Variants in ANK3 observed in about 807,000 individuals in gnomAD.
ANK3 encodes ankyrin 3, also known as ankyrin-3.
A neutral mutation model predicts 370.9 loss-of-function variants in ANK3; 57 were observed. The observed-to-expected ratio is 0.15, with a 90% confidence interval of 0.12 to 0.19. The LOEUF (loss-of-function observed/expected upper bound fraction) is 0.19, where lower values mean the gene tolerates loss of function less well. Ranked by LOEUF, ANK3 falls within the 10% of genes least tolerant of loss-of-function variation. The pLI, the probability that ANK3 is intolerant of heterozygous loss-of-function variation, is 1.00. For missense variants in ANK3, 4,439 were observed against 5,302.1 expected, an observed-to-expected ratio of 0.84 and a Z score of 5.06; for synonymous variants, 1,929 against 1,946.3, an observed-to-expected ratio of 0.99 and a Z score of 0.23.
intron 2 of ANK3, among the ~76,000 whole-genome samples, chr10:60,451,569 A>G (rs1157688590): frequency 6.6e-6 from 1 of 152,204 alleles, no homozygotes; most frequent in African/African-American, 2.4e-5. Flanking sequence ...AGCAAAATGT[A>G]AGCTTCACTT....
chr10:60,411,229 T>A (rs2063554015), intron 2 of ANK3, among the ~76,000 whole-genome samples: 1 of 152,178 alleles, frequency 6.6e-6, no homozygotes. Context: ...ACTCACAGAA[T>A]TAGGAAGAGG....
intron 23 of ANK3, among the ~76,000 whole-genome samples, chr10:60,144,753 C>A (rs2094729253): frequency 6.6e-6 from 1 of 152,142 alleles, no homozygotes; most frequent in African/African-American, 2.4e-5. Flanking sequence ...ATTATCAGGA[C>A]TGTGGTGGGC....
intron 1 of ANK3, among the ~76,000 whole-genome samples, chr10:60,360,823 A>G (rs2058489951): frequency 6.6e-6 from 1 of 152,200 alleles, no homozygotes; most frequent in African/African-American, 2.4e-5. Context: ...TTAACCTTTA[A>G]ATCTAATCGT....
In ANK3 at chr10:60,082,176, C is replaced by T. The variant is rs751571796; in HGVS notation, c.4324G>A (p.Glu1442Lys). The T allele has an allele frequency of 6.2e-7, 1 of 1,609,684 alleles. No individual in the cohort carries two copies. Among genetic ancestry groups the T allele is most frequent in the Non-Finnish European group, 8.5e-7 (1 of 1,177,520 alleles). The part of the protein sequence containing the change: ...LNITLPAHKK[E>K]TESDQDDEIE... ...TCATCATCTTGATCTGACTCTGTCTCCTTTTGGTTCCAAGATGCATTGCAG... is the reference window on the plus strand; with the variant it reads ...TCATCATCTTGATCTGACTCTGTCTTCTTTTGGTTCCAAGATGCATTGCAG... The change falls in exon 35 of 44, where the codon GAG becomes AAG. Residue 1442 changes from glutamate (E) to lysine (K), a missense_variant and splice_region_variant. By Grantham distance (56) the Glu-to-Lys change is moderately conservative (BLOSUM62 1). This residue lies in a region of ANK3 where 702 missense variants were observed against 941.5 expected (regional missense o/e 0.75). Coordinates refer to ENST00000280772, the MANE Select transcript of ANK3 (RefSeq NM_020987.5).
intron 1 of ANK3, among the ~76,000 whole-genome samples, chr10:60,706,124 C>T (rs1005946505): frequency 1.3e-5 from 2 of 152,182 alleles, no homozygotes; most frequent in African/African-American, 4.8e-5. Context: ...TGCACCACTG[C>T]ACCCAGGCTA....
intron 1 of ANK3, among the ~76,000 whole-genome samples, chr10:60,728,156 T>A (rs560014030): frequency 6.6e-6 from 1 of 152,238 alleles, no homozygotes; most frequent in East Asian, 1.9e-4. Context: ...ACTGATAATA[T>A]CTCAACTTTT....
intron 1 of ANK3, among the ~76,000 whole-genome samples, chr10:60,680,691 C>T (rs907546987): frequency 2.0e-5 from 3 of 152,110 alleles, no homozygotes; most frequent in African/African-American, 4.8e-5. Context: ...GTCTTGATGG[C>T]GCCTCAAACT....
chr10:60,069,942 C>G lies in ANK3; in HGVS notation c.10939G>C (p.Gly3647Arg), dbSNP rs1412041936. Residue 3647 changes from glycine (G) to arginine (R), a missense_variant, in exon 37 of 44, where the codon GGG (glycine) becomes CGG (arginine). Physicochemically the swap from Gly to Arg is moderately radical, Grantham distance 125 (BLOSUM62 -2). Coordinates refer to ENST00000280772, the MANE Select transcript of ANK3 (RefSeq NM_020987.5). Reference sequence around the variant, plus strand: ...GTGACCATACTTTTATCCCCTTCCCCCTGGTCCCCTGACTTCCCTTCAGAA... The same window carrying G: ...GTGACCATACTTTTATCCCCTTCCCGCTGGTCCCCTGACTTCCCTTCAGAA... ...HTSEGKSGDQ[G>R]EGDKSMVTAT... The G allele has an allele frequency of 1.2e-6, 2 of 1,613,990 alleles. No individual in the cohort carries two copies. Among genetic ancestry groups the G allele is most frequent in the African/African-American group, 2.7e-5 (2 of 74,928 alleles).
chr10:60,083,357 G>C (rs1023678033), intron 33 of ANK3, 135 bp downstream of exon 33: 12 of 923,462 alleles, frequency 1.3e-5, no homozygotes, highest in Non-Finnish European at 1.9e-5. Flanking sequence ...GGTAGAACCA[G>C]AACAAAATCT....
intron 1 of ANK3, among the ~76,000 whole-genome samples, chr10:60,617,754 C>T (rs1032646199): frequency 9.2e-5 from 14 of 152,270 alleles, no homozygotes; most frequent in African/African-American, 3.1e-4. Context: ...ATGTTCTTGG[C>T]TATTTCTACC....
intron 23 of ANK3, among the ~76,000 whole-genome samples, chr10:60,160,963 C>T (rs2095483844): frequency 6.6e-6 from 1 of 152,162 alleles, no homozygotes; most frequent in Non-Finnish European, 1.5e-5. Context: ...GAAAGCCTTT[C>T]CTCTAAGATC....
At chr10:60,154,036 G>A (rs971329490) in intron 23 of ANK3, among the ~76,000 whole-genome samples, 4 of 152,148 alleles carry the variant, frequency 2.6e-5, no homozygotes, top group Admixed American at 2.0e-4. Context: ...ATAAAACAGA[G>A]AATAAGATTT....
intron 42 of ANK3, chr10:60,043,986 T>A: frequency 1.0e-6 from 1 of 985,846 alleles, no homozygotes; most frequent in Non-Finnish European, 1.2e-6. Flanking sequence ...GCTGCCACAC[T>A]GCAGATGCCA....
intron 1 of ANK3, among the ~76,000 whole-genome samples, chr10:60,679,608 T>C (rs2079168301): frequency 6.6e-6 from 1 of 152,128 alleles, no homozygotes; most frequent in Non-Finnish European, 1.5e-5. Flanking sequence ...ACTGCACATG[T>C]GCCCCTCTCA....
intron 1 of ANK3, among the ~76,000 whole-genome samples, chr10:60,632,916 A>C (rs34168977): frequency 0.68 from 102,984 of 151,054 alleles, 35,164 homozygotes; most frequent in South Asian, 0.83. Context: ...AAAAAAAACC[A>C]TACTTATTCT....
intron 2 of ANK3, among the ~76,000 whole-genome samples, chr10:60,530,143 A>G (rs1389557306): frequency 6.6e-6 from 1 of 152,184 alleles, no homozygotes; most frequent in East Asian, 1.9e-4. Flanking sequence ...GTGCCCAGGC[A>G]GTGGTTTCTG....
chr10:60,047,171 G>A (rs2077111569), intron 42 of ANK3, among the ~76,000 whole-genome samples: 1 of 151,990 alleles, frequency 6.6e-6, no homozygotes, highest in Admixed American at 6.6e-5. Context: ...TTGTCCCCGT[G>A]GTCTTGTTGA....
At chr10:60,061,147 G>T (rs2080370245) in intron 40 of ANK3, among the ~76,000 whole-genome samples, 1 of 152,170 alleles carries the variant, frequency 6.6e-6, no homozygotes, top group Non-Finnish European at 1.5e-5. Flanking sequence ...AGCTGCTGTT[G>T]TAAACTCAAA....
chr10:60,166,895 G>T lies in ANK3; in HGVS notation c.2480C>A (p.Thr827Asn), dbSNP rs138631688. 4.7e-5 allele frequency: 76 copies of T among 1,613,600 alleles called. No homozygotes were observed. The African/African-American group carries it at 9.2e-4, about 20-fold the overall frequency. Residue 827 changes from threonine (T) to asparagine (N), a missense_variant and splice_region_variant, in exon 22 of 44, where the codon ACT (threonine) becomes AAT (asparagine). This residue lies in a region of ANK3 where 702 missense variants were observed against 941.5 expected (regional missense o/e 0.75). Transcript: ENST00000280772. ...IVTEETMTTT[T>N]VTEKHKMNVP... ...ATTCATTTTGTGCTTCTCTGTGACA[G>T]TCTAGTAACAAAAAAGCAGTCATTT...
Sources: allele counts gnomAD v4.1 joint callset (sites outside exome capture counted in the v4.1 genomes callset), GRCh38; gene constraint gnomAD v4.1.1; regional missense constraint gnomAD v4.1.1; transcripts MANE v1.5; gene names NCBI Gene and HGNC (gene_info 2026-07-23, HGNC 2026-07-21).